FERMT1: variants seen among roughly 807,000 people sequenced by gnomAD.
FERMT1 encodes fermitin family homolog 1.
Under a neutral mutation model 85.3 loss-of-function variants are expected in FERMT1, and 60 were observed. That is an observed-to-expected ratio of 0.70 (90% CI 0.57 to 0.87). The LOEUF is 0.87. Among genes scored for constraint, FERMT1 ranks in the 40% least tolerant of loss-of-function variants. The probability of loss-of-function intolerance (pLI) is 0.00; values close to 1 mark genes in which losing one functional copy is unlikely to be tolerated. For missense variants in FERMT1, 701 were observed against 818.9 expected (o/e 0.86, Z 1.76); for synonymous variants, 275 against 301.1 (o/e 0.91, Z 0.90).
chr20:6,075,054 T>G lies in FERMT1; in HGVS notation c.*2119A>C, dbSNP rs1383189981. 6.6e-6 allele frequency: 1 copy of G among 151,576 alleles called. No homozygotes were observed. The highest frequency in any genetic ancestry group is 1.5e-5 in the Non-Finnish European group (1 of 67,940). The allele number at this position is 151,576 out of a possible 1,614,324, so 9.4% of individuals were successfully genotyped here. A position where few individuals can be genotyped will look rare whatever the true frequency, so the allele number is the denominator to read the frequency against. Reference sequence around the variant, plus strand: ...GAACAGTAGCATTTAGGTTTGTTTTTTTTTTTTTTTGTCACACTTGTTTAT... The same window carrying G: ...GAACAGTAGCATTTAGGTTTGTTTTGTTTTTTTTTTGTCACACTTGTTTAT... On this transcript the variant is annotated 3_prime_UTR_variant, in exon 15 of 15. Coordinates refer to ENST00000217289, the MANE Select transcript of FERMT1 (RefSeq NM_017671.5).
intron 11 of FERMT1, among the ~76,000 whole-genome samples, chr20:6,087,288 A>T (rs1184710402): frequency 6.6e-6 from 1 of 152,112 alleles, no homozygotes; most frequent in Non-Finnish European, 1.5e-5. Flanking sequence ...CTTTCAGCAC[A>T]TCTTTCAGAA....
chr20:6,114,436 A>G (rs1411920589), intron 3 of FERMT1, among the ~76,000 whole-genome samples: 1 of 152,234 alleles, frequency 6.6e-6, no homozygotes, highest in Middle Eastern at 3.2e-3. Flanking sequence ...GGAAAAGAGA[A>G]CATCTGACTG....
chr20:6,104,669 C>T lies in FERMT1; in HGVS notation c.849+2863G>A, dbSNP rs1393909374. Among the ~76,000 whole-genome samples, 1 of 152,192 alleles carries T rather than the reference C, an allele frequency of 6.6e-6. No homozygotes were observed. Among genetic ancestry groups the T allele is most frequent in the African/African-American group, 2.4e-5 (1 of 41,452 alleles). Reference sequence around the variant, plus strand: ...TAGGCTATGAAGAGGGAGCTCCTCACCAATTAAGCGGGCAGAGGCTGGAGG... The same window carrying T: ...TAGGCTATGAAGAGGGAGCTCCTCATCAATTAAGCGGGCAGAGGCTGGAGG... On this transcript the variant is annotated intron_variant, in intron 6 of 14. Coordinates refer to ENST00000217289, the MANE Select transcript of FERMT1 (RefSeq NM_017671.5). The surrounding 1 kb of genome is among the most constrained non-coding windows in gnomAD (Gnocchi z 4.2).
intron 8 of FERMT1, 139 bp from the exon 9 acceptor site, chr20:6,095,127 A>G: frequency 3.2e-6 from 2 of 628,730 alleles, no homozygotes; most frequent in Admixed American, 2.6e-5. Flanking sequence ...ATAAAATGAA[A>G]AACTCAGTTC....
At chr20:6,087,509 C>T (rs1759530492) in intron 11 of FERMT1, among the ~76,000 whole-genome samples, 1 of 152,162 alleles carries the variant, frequency 6.6e-6, no homozygotes, top group South Asian at 2.1e-4. Flanking sequence ...TGAGGTTTCA[C>T]CATATTGGCC....
At chr20:6,083,963 A>G in intron 13 of FERMT1, 77 bp downstream of exon 13, 1 of 1,539,764 alleles carries the variant, frequency 6.5e-7, no homozygotes, top group Non-Finnish European at 9.0e-7. Context: ...TCTATGCTAA[A>G]TGAGAAAACT....
intron 9 of FERMT1, among the ~76,000 whole-genome samples, chr20:6,091,099 G>A (rs1037295287): frequency 6.6e-6 from 1 of 151,972 alleles, no homozygotes; most frequent in Non-Finnish European, 1.5e-5. Flanking sequence ...GGAGGCGGAG[G>A]CTGCAGTGAG....
chr20:6,084,198 T>C, intron 12 of FERMT1, 34 bp from the exon 13 acceptor site: 1 of 1,588,498 alleles, frequency 6.3e-7, no homozygotes, highest in Non-Finnish European at 8.6e-7. Flanking sequence ...TCTCTTCACA[T>C]GCACCGGCTG....
intron 5 of FERMT1, among the ~76,000 whole-genome samples, chr20:6,108,056 G>A (rs1223715645): frequency 6.6e-6 from 1 of 152,176 alleles, no homozygotes; most frequent in Non-Finnish European, 1.5e-5. Flanking sequence ...AGTAGAGAGG[G>A]GGTTTTGCCA....
chr20:6,121,804 A>C (rs1345526982), intron 1 of FERMT1, among the ~76,000 whole-genome samples: 3 of 152,338 alleles, frequency 2.0e-5, no homozygotes, highest in South Asian at 4.1e-4. Flanking sequence ...CCACTTTGAT[A>C]ATGTTGCAAT....
At position 6,076,757 on chromosome 20, in the gene FERMT1, G is replaced by A; in HGVS notation, c.*416C>T. On this transcript the variant is annotated 3_prime_UTR_variant, in exon 15 of 15. Transcript: ENST00000217289. The stretch of plus-strand genomic sequence containing the variant: ...GGCGTTTCGTTTCATACCTGAGTTT[G>A]TGAAATAAGAGTTGTTCTTGCTACA... 3.1e-6 allele frequency: 1 copy of A among 326,572 alleles called. No individual in the cohort carries two copies. Among genetic ancestry groups the A allele is most frequent in the South Asian group, 2.7e-5 (1 of 37,324 alleles). The allele number at this position is 326,572 out of a possible 1,614,324, so 20.2% of individuals were successfully genotyped here.
intron 13 of FERMT1, among the ~76,000 whole-genome samples, chr20:6,081,791 AG>A (rs564767637): frequency 1.8e-4 from 28 of 152,226 alleles, no homozygotes; most frequent in Non-Finnish European, 3.8e-4. Context: ...AAGAATTCCT[AG>A]CTGAATATGT....
Position 6,076,907 on chromosome 20 carries a change from T to G in FERMT1, c.*266A>C, listed in dbSNP as rs144550350. ...GAGAACTGTAACCACATGCTGGGCC[T>G]TAGAGCAATCTTAGGGCACCTGCTT... On this transcript the variant is annotated 3_prime_UTR_variant, in exon 15 of 15. Coordinates refer to ENST00000217289, the MANE Select transcript of FERMT1 (RefSeq NM_017671.5). The G allele has an allele frequency of 7.5e-4, 390 of 521,360 alleles. 3 individuals are homozygous for G. The highest frequency in any genetic ancestry group is 6.4e-3 in the African/African-American group (335 of 52,404). 32.3% of individuals were successfully genotyped at this position (521,360 alleles called of 1,614,324 possible).
At chr20:6,088,655 G>A (rs1272274228) in intron 10 of FERMT1, among the ~76,000 whole-genome samples, 1 of 142,220 alleles carries the variant, frequency 7.0e-6, no homozygotes, top group East Asian at 2.1e-4. Context: ...TGGAGACAGA[G>A]TCTCACTCTA....
intron 5 of FERMT1, among the ~76,000 whole-genome samples, chr20:6,108,809 C>CAA (rs11434994): frequency 3.2e-4 from 30 of 94,308 alleles, no homozygotes; most frequent in African/African-American, 1.1e-3. Flanking sequence ...GACTCTGTCT[C>CAA]AAAAAAAAAA....
At chr20:6,088,885 A>G in intron 10 of FERMT1, 80 bp downstream of exon 10, 3 of 1,436,724 alleles carry the variant, frequency 2.1e-6, no homozygotes, top group Non-Finnish European at 2.9e-6. Context: ...CAGCCTCCCA[A>G]AGTGCTGGGA....
chr20:6,112,485 C>G lies in FERMT1; in HGVS notation c.524G>C (p.Gly175Ala), dbSNP rs755393121. The G allele has an allele frequency of 2.2e-5, 36 of 1,613,664 alleles. No individual in the cohort carries two copies. The highest frequency in any genetic ancestry group is 2.9e-5 in the Non-Finnish European group (34 of 1,179,816). ...LNLESSPTAS[G>A]SSVSPGLYSK... ...CCTGTAACAAGTCTTACCTGATGAA[C>G]CTGAAGCTGTTGGAGAACTCTCCAG... The change falls in exon 4 of 15, where the codon GGT (glycine) becomes GCT (alanine). Residue 175 changes from glycine to alanine, a missense_variant. By Grantham distance (60) the Gly-to-Ala change is moderately conservative. Transcript: ENST00000217289.
At chr20:6,117,649 G>A (rs181744018) in intron 2 of FERMT1, among the ~76,000 whole-genome samples, 2 of 152,308 alleles carry the variant, frequency 1.3e-5, no homozygotes, top group East Asian at 3.9e-4. Flanking sequence ...GGTCAGGCTG[G>A]TCTCGAACTC....
intron 12 of FERMT1, among the ~76,000 whole-genome samples, chr20:6,084,794 A>T (rs1292981485): frequency 6.6e-6 from 1 of 151,526 alleles, no homozygotes; most frequent in Non-Finnish European, 1.5e-5. Flanking sequence ...CCTGGGCTCG[A>T]GCAATTCTCC....
Sources: gnomAD v4.1 joint callset for allele counts (sites outside exome capture counted in the v4.1 genomes callset) on GRCh38, gnomAD v4.1.1 for gene constraint, Gnocchi (gnomAD v3.1) non-coding constraint, MANE v1.5 for transcripts, NCBI Gene and HGNC (gene_info 2026-07-23, HGNC 2026-07-21) for gene names.